COPZ1: variants seen among roughly 807,000 people sequenced by gnomAD.
The protein encoded by COPZ1 is coat protein complex I subunit zeta 1, also known as coatomer subunit zeta-1.
Under a neutral mutation model 31.7 loss-of-function variants are expected in COPZ1, and 4 were observed. The ratio of observed to expected loss-of-function variants is 0.13; its 90% CI spans 0.06 to 0.29. The LOEUF (loss-of-function observed/expected upper bound fraction) is 0.29, where lower values mean the gene tolerates loss of function less well. Ranked by LOEUF, COPZ1 falls within the 10% of genes least tolerant of loss-of-function variation. COPZ1 has a pLI of 1.00. For missense variants in COPZ1, 156 were observed against 211.5 expected, an observed-to-expected ratio of 0.74 and a Z score of 1.63; for synonymous variants, 74 against 79.0, an observed-to-expected ratio of 0.94 and a Z score of 0.33.
At chr12:54,326,363 A>G (rs1953643926) in intron 1 of COPZ1, among the ~76,000 whole-genome samples, 1 of 139,270 alleles carries the variant, frequency 7.2e-6, no homozygotes, top group African/African-American at 2.7e-5. Context: ...GATGGTCTCG[A>G]TCTCCTGACC....
intron 1 of COPZ1, among the ~76,000 whole-genome samples, chr12:54,338,080 T>C (rs1316494731): frequency 6.6e-6 from 1 of 152,192 alleles, no homozygotes; most frequent in African/African-American, 2.4e-5. Flanking sequence ...GTTCTAGGGA[T>C]GCCAAACTCT....
intron 3 of COPZ1, 87 bp from the exon 4 acceptor site, chr12:54,343,138 T>G (rs996624090): frequency 8.8e-6 from 9 of 1,027,428 alleles, no homozygotes; most frequent in Non-Finnish European, 1.2e-5. Context: ...ATTACAGGCA[T>G]GAGCCACTGC....
intron 1 of COPZ1, among the ~76,000 whole-genome samples, chr12:54,329,276 T>C (rs1334926639): frequency 6.6e-6 from 1 of 152,096 alleles, no homozygotes; most frequent in African/African-American, 2.4e-5. Context: ...TTCCCCTTCC[T>C]CCTTCCTGCT....
At chr12:54,327,612 C>T (rs1467835292) in intron 1 of COPZ1, among the ~76,000 whole-genome samples, 4 of 152,070 alleles carry the variant, frequency 2.6e-5, no homozygotes, top group Non-Finnish European at 2.9e-5. Flanking sequence ...TATTCTTAAT[C>T]AAGAGGTTGA....
chr12:54,345,472 G>A lies in COPZ1; in HGVS notation c.274G>A (p.Ala92Thr). Residue 92 changes from alanine to threonine, a missense_variant, in exon 5 of 9, where the codon GCT becomes ACT. By Grantham distance (58) the Ala-to-Thr change is moderately conservative (BLOSUM62 0). Transcript: ENST00000262061. ...SSYENELMLM[A>T]VLNCLFDSLS... Reference sequence around the variant, plus strand: ...TGTTTCCCAACAGCTGATGCTTATGGCTGTTCTGAACTGTCTCTTCGACTC... The same window carrying A: ...TGTTTCCCAACAGCTGATGCTTATGACTGTTCTGAACTGTCTCTTCGACTC... The A allele has an allele frequency of 6.2e-7, 1 of 1,613,592 alleles. No individual in the cohort carries two copies. Among genetic ancestry groups the A allele is most frequent in the Non-Finnish European group, 8.5e-7 (1 of 1,179,618 alleles).
At chr12:54,341,752 G>A (rs927122017) in intron 2 of COPZ1, among the ~76,000 whole-genome samples, 2 of 152,196 alleles carry the variant, frequency 1.3e-5, no homozygotes, top group African/African-American at 2.4e-5. Flanking sequence ...CCTTTCTTTG[G>A]AGGAGGTTTT....
intron 7 of COPZ1, 147 bp downstream of exon 7, chr12:54,348,198 C>T (rs1248357421): frequency 7.5e-6 from 5 of 667,966 alleles, no homozygotes; most frequent in African/African-American, 5.4e-5. Context: ...CCTTTCTCTT[C>T]CCTTCTCTTC....
intron 7 of COPZ1, 113 bp downstream of exon 7, chr12:54,348,164 T>G: frequency 1.2e-6 from 1 of 848,176 alleles, no homozygotes; most frequent in Non-Finnish European, 1.9e-6. Flanking sequence ...TACAACCTTC[T>G]CTTTTTCTTT....
chr12:54,337,294 C>A (rs1202664554), intron 1 of COPZ1: 1 of 534,406 alleles, frequency 1.9e-6, no homozygotes, highest in East Asian at 5.4e-5. Context: ...CATCACAGAA[C>A]TTTGTCTCGA....
chr12:54,343,821 C>A (rs1592208177), intron 4 of COPZ1, among the ~76,000 whole-genome samples: 1 of 152,166 alleles, frequency 6.6e-6, no homozygotes, highest in South Asian at 2.1e-4. Flanking sequence ...AAATAAGCCC[C>A]CAGATAATTT....
intron 5 of COPZ1, chr12:54,346,761 T>C: frequency 3.0e-6 from 2 of 656,468 alleles, no homozygotes; most frequent in African/African-American, 1.8e-5. Context: ...GAGGCTGAGG[T>C]AGGAAGATTG....
Position 54,340,624 on chromosome 12 carries a change from C to T in COPZ1, c.87+9C>T. On this transcript the variant is annotated intron_variant, in intron 2 of 8. Coordinates refer to ENST00000262061, the MANE Select transcript of COPZ1 (RefSeq NM_016057.3). ...ATCGACTTTTTGCCAAGGTGAGATT[C>T]CCTTTCGAATTAGTTTAGGAACAGC... is the stretch of plus-strand genomic sequence containing the variant. 2 of 1,612,736 alleles carry T rather than the reference C, an allele frequency of 1.2e-6. No individual in the cohort carries two copies. Among genetic ancestry groups the T allele is most frequent in the Non-Finnish European group, 8.5e-7 (1 of 1,179,376 alleles).
chr12:54,343,169 T>A, intron 3 of COPZ1, 56 bp from the exon 4 acceptor site: 1 of 1,406,636 alleles, frequency 7.1e-7, no homozygotes, highest in Non-Finnish European at 1.0e-6. Context: ...TAACTCCTTC[T>A]TTCCTACTTC....
chr12:54,349,144 C>T lies in COPZ1; in HGVS notation c.448-476C>T, dbSNP rs776939625. Among the ~76,000 whole-genome samples the T allele has an allele frequency of 5.3e-5, 8 of 152,166 alleles. No individual in the cohort carries two copies. In the East Asian group the frequency reaches 5.8e-4, roughly 11 times the overall value. On this transcript the variant is annotated intron_variant, in intron 7 of 8. Transcript: ENST00000262061. ...GAGAGGGTCCCCCCCATCAACTCCCCGCTTTGTCTTCTTAGGCTGCTGTTG... is the reference window on the plus strand; with the variant it reads ...GAGAGGGTCCCCCCCATCAACTCCCTGCTTTGTCTTCTTAGGCTGCTGTTG...
chr12:54,341,141 T>C (rs1409964934), intron 2 of COPZ1, among the ~76,000 whole-genome samples: 1 of 152,216 alleles, frequency 6.6e-6, no homozygotes, highest in Non-Finnish European at 1.5e-5. Flanking sequence ...TTTGAAACTT[T>C]GGTTCCTAAC....
At chr12:54,345,644 AG>A in intron 5 of COPZ1, 129 bp downstream of exon 5, 11 of 712,256 alleles carry the variant, frequency 1.5e-5, no homozygotes, top group Non-Finnish European at 2.4e-5. Context: ...CAAAGGCTCC[AG>A]GGAGTTGATT....
In COPZ1 at chr12:54,350,875, G is replaced by T. The variant is rs1397529148; in HGVS notation, c.*352G>T. ...ACACTTCAGATTAAAGTAGGAGAAA[G>T]AATGTGCTGAGTGTTTTCCTCCCTT... On this transcript the variant is annotated 3_prime_UTR_variant, in exon 9 of 9. Transcript: ENST00000262061. The T allele has an allele frequency of 2.0e-5, 6 of 294,232 alleles. No individual in the cohort carries two copies. The South Asian group carries it at 2.3e-4, about 11-fold the overall frequency. The allele number at this position is 294,232 out of a possible 1,614,324, so 18.2% of individuals were successfully genotyped here. A position where few individuals can be genotyped will look rare whatever the true frequency, so the allele number is the denominator to read the frequency against.
intron 8 of COPZ1, 171 bp from the exon 9 acceptor site, chr12:54,350,305 C>T: frequency 1.3e-6 from 1 of 768,428 alleles, no homozygotes; most frequent in Non-Finnish European, 2.4e-6. Flanking sequence ...ATTTTCCAAA[C>T]AATCTGCTAG....
At chr12:54,326,358 T>C (rs1413541492) in intron 1 of COPZ1, among the ~76,000 whole-genome samples, 1 of 147,128 alleles carries the variant, frequency 6.8e-6, no homozygotes, top group Admixed American at 7.0e-5. Flanking sequence ...GCCAGGATGG[T>C]CTCGATCTCC....
Sources: gnomAD v4.1 joint callset for allele counts (sites outside exome capture counted in the v4.1 genomes callset) on GRCh38, gnomAD v4.1.1 for gene constraint, MANE v1.5 for transcripts, NCBI Gene and HGNC (gene_info 2026-07-23, HGNC 2026-07-21) for gene names.